The following FBXO15 variants were observed in gnomAD, a reference collection of about 807,000 sequenced individuals.
FBXO15 encodes the protein F-box only protein 15.
Under a neutral mutation model 49.5 loss-of-function variants are expected in FBXO15, and 30 were observed. That is an observed-to-expected ratio of 0.61 (90% CI 0.45 to 0.82). The LOEUF is 0.82. FBXO15 is among the 40% of genes least tolerant of loss of function. FBXO15 has a pLI of 0.00. For synonymous variants in FBXO15, 250 were observed against 232.7 expected (o/e 1.07, Z -0.68); for missense variants, 591 against 631.5 (o/e 0.94, Z 0.69).
In FBXO15 at chr18:74,075,601, T is replaced by A. The variant is rs1912227060; in HGVS notation, c.1264-1871A>T. Among the ~76,000 whole-genome samples, 1 of 152,200 alleles carries A rather than the reference T, an allele frequency of 6.6e-6. No homozygotes were observed. Among genetic ancestry groups the A allele is most frequent in the African/African-American group, 2.4e-5 (1 of 41,456 alleles). ...TTGTCCATTAATACCCATTCACTCA[T>A]CAAACCACTCTGGCCTGGTATCCTT... On this transcript the variant is annotated intron_variant, in intron 9 of 9. Coordinates refer to ENST00000419743, the MANE Select transcript of FBXO15 (RefSeq NM_001142958.2). This position sits in a 1 kb window ranked among gnomAD's most constrained non-coding sequence, Gnocchi z 4.1.
chr18:74,107,508 C>T (rs943919754), intron 8 of FBXO15, among the ~76,000 whole-genome samples: 6 of 152,088 alleles, frequency 3.9e-5, no homozygotes, highest in East Asian at 1.9e-4. Flanking sequence ...CAGGGCAAAC[C>T]ACTGTCCCAA....
Position 74,085,117 on chromosome 18 carries a change from T to C in FBXO15, c.1139-3066A>G, listed in dbSNP as rs576215503. Among the ~76,000 whole-genome samples the C allele has an allele frequency of 1.6e-4, 24 of 152,120 alleles. 1 individual carries two copies. In the East Asian group the frequency reaches 3.7e-3, roughly 23 times the overall value. On this transcript the variant is annotated intron_variant, in intron 8 of 9. Transcript: ENST00000419743. ...TCACAAGCATAATCCCAATAGGTAC[T>C]TCAGAAAATGGTTTATAAATAATTA...
intron 1 of FBXO15, among the ~76,000 whole-genome samples, chr18:74,142,782 G>T (rs1436008158): frequency 6.6e-6 from 1 of 152,050 alleles, no homozygotes; most frequent in Admixed American, 6.5e-5. Flanking sequence ...TGGTGTTCCA[G>T]AAGGACATAA....
chr18:74,087,141 C>G (rs182068767), intron 8 of FBXO15, among the ~76,000 whole-genome samples: 2 of 152,262 alleles, frequency 1.3e-5, no homozygotes, highest in African/African-American at 4.8e-5. Context: ...CTGAGCCTTC[C>G]GCAAAGCATT....
In FBXO15 at chr18:74,140,262, T is replaced by G. The variant is rs1488866809; in HGVS notation, c.167A>C (p.His56Pro). 6.4e-7 allele frequency: 1 copy of G among 1,551,480 alleles called. No homozygotes were observed. ...CTCCCAGTGCTGTCCACCTCCGGCATGGCACCTCAGGGCAGCAGAGCCTGC... is the reference window on the plus strand; with the variant it reads ...CTCCCAGTGCTGTCCACCTCCGGCAGGGCACCTCAGGGCAGCAGAGCCTGC... ...LSAGSAALRC[H>P]AGGGQHWESS... The change falls in exon 2 of 10, where the codon CAT (histidine) becomes CCT (proline). Residue 56 changes from histidine (H) to proline (P), a missense_variant. Coordinates refer to ENST00000419743, the MANE Select transcript of FBXO15 (RefSeq NM_001142958.2).
chr18:74,075,016 G>A lies in FBXO15; in HGVS notation c.1264-1286C>T, dbSNP rs1912202621. Among the ~76,000 whole-genome samples, 3 of 152,282 alleles carry A rather than the reference G, an allele frequency of 2.0e-5. No individual in the cohort carries two copies. Among genetic ancestry groups the A allele is most frequent in the South Asian group, 2.1e-4 (1 of 4,830 alleles). ...AGCAAAACCCCAGCCCCAGAGGAGC[G>A]CAGTTATTTTCTATCTGTCTGGACC... is the stretch of plus-strand genomic sequence containing the variant. On this transcript the variant is annotated intron_variant, in intron 9 of 9. Coordinates refer to ENST00000419743, the MANE Select transcript of FBXO15 (RefSeq NM_001142958.2). The surrounding 1 kb of genome is among the most constrained non-coding windows in gnomAD (Gnocchi z 4.1).
intron 8 of FBXO15, among the ~76,000 whole-genome samples, chr18:74,110,368 TA>T (rs1455735954): frequency 3.3e-5 from 5 of 151,658 alleles, no homozygotes; most frequent in South Asian, 4.1e-4. Context: ...TGGTAAATTG[TA>T]AGGCAACCAC....
chr18:74,118,149 A>T (rs1914313289), intron 8 of FBXO15, among the ~76,000 whole-genome samples: 1 of 151,790 alleles, frequency 6.6e-6, no homozygotes, highest in Non-Finnish European at 1.5e-5. Flanking sequence ...AGGTGCATGT[A>T]ATCATGCCCA....
chr18:74,137,397 A>G (rs1271844128), intron 2 of FBXO15, among the ~76,000 whole-genome samples: 1 of 152,224 alleles, frequency 6.6e-6, no homozygotes, highest in Non-Finnish European at 1.5e-5. Flanking sequence ...ACCATTGAAC[A>G]AAAAAACAGA....
At chr18:74,126,197 G>A (rs1345325118) in intron 5 of FBXO15, 96 bp from the exon 6 acceptor site, 3 of 1,513,584 alleles carry the variant, frequency 2.0e-6, no homozygotes. Context: ...TGTGTTTGAA[G>A]AGCATGTTAA....
intron 8 of FBXO15, among the ~76,000 whole-genome samples, chr18:74,114,710 C>G (rs59804726): frequency 0.013 from 2,038 of 152,228 alleles, 46 homozygotes; most frequent in African/African-American, 0.046. Context: ...AGTGGCAATA[C>G]ACAAAGAAGC....
At chr18:74,131,538 T>A (rs1555679977) in intron 3 of FBXO15, among the ~76,000 whole-genome samples, 2 of 152,138 alleles carry the variant, frequency 1.3e-5, no homozygotes, top group Non-Finnish European at 2.9e-5. Flanking sequence ...CAAATTCAGC[T>A]CTGACTCAAA....
intron 5 of FBXO15, among the ~76,000 whole-genome samples, chr18:74,127,907 T>G (rs1037561363): frequency 2.6e-5 from 4 of 152,226 alleles, no homozygotes; most frequent in Non-Finnish European, 4.4e-5. Flanking sequence ...TGTCCTAATA[T>G]CTGTAAGTAA....
chr18:74,119,330 C>A (rs1201651967), intron 8 of FBXO15, among the ~76,000 whole-genome samples: 1 of 152,164 alleles, frequency 6.6e-6, no homozygotes, highest in South Asian at 2.1e-4. Flanking sequence ...AACTGCATGG[C>A]CTTTGGGAGC....
intron 8 of FBXO15, among the ~76,000 whole-genome samples, chr18:74,117,924 C>T (rs1475059347): frequency 6.6e-6 from 1 of 152,230 alleles, no homozygotes; most frequent in East Asian, 1.9e-4. Context: ...TAGCACCTAA[C>T]AGGTCCTAAC....
chr18:74,138,020 A>C (rs1978828196), intron 2 of FBXO15, among the ~76,000 whole-genome samples: 1 of 151,988 alleles, frequency 6.6e-6, no homozygotes, highest in Non-Finnish European at 1.5e-5. Flanking sequence ...CGGTTTCTGC[A>C]CAAGGACCTC....
chr18:74,090,853 T>C (rs771907282), intron 8 of FBXO15, among the ~76,000 whole-genome samples: 3 of 152,208 alleles, frequency 2.0e-5, no homozygotes, highest in East Asian at 1.9e-4. Flanking sequence ...GTATATGCCA[T>C]GCACAGATGA....
At chr18:74,089,730 C>T (rs1458713633) in intron 8 of FBXO15, among the ~76,000 whole-genome samples, 2 of 152,092 alleles carry the variant, frequency 1.3e-5, no homozygotes, top group Non-Finnish European at 2.9e-5. Flanking sequence ...TATCGATTTG[C>T]ATATGTTGAA....
intron 8 of FBXO15, among the ~76,000 whole-genome samples, chr18:74,119,396 T>C (rs1046938103): frequency 8.5e-5 from 13 of 152,182 alleles, no homozygotes; most frequent in African/African-American, 3.1e-4. Flanking sequence ...ATGACAGTCC[T>C]GAACAAAATA....
Sources: gnomAD v4.1 joint callset for allele counts (sites outside exome capture counted in the v4.1 genomes callset) on GRCh38, gnomAD v4.1.1 for gene constraint, Gnocchi (gnomAD v3.1) non-coding constraint, MANE v1.5 for transcripts, NCBI Gene and HGNC (gene_info 2026-07-23, HGNC 2026-07-21) for gene names.